Variants in CPA6 observed in about 807,000 individuals in gnomAD.
CPA6 encodes the protein carboxypeptidase B.
In CPA6, 58 loss-of-function variants were observed where a neutral mutation model predicts 63.3. That is an observed-to-expected ratio of 0.92 (90% CI 0.74 to 1.14). The LOEUF is 1.14. Among genes scored for constraint, CPA6 ranks in the 50% most tolerant of loss-of-function variants. CPA6 has a pLI of 0.00. For missense variants in CPA6, 565 were observed against 526.6 expected (o/e 1.07, Z -0.71); for synonymous variants, 185 against 179.0 (o/e 1.03, Z -0.27).
chr8:67,683,339 A>G (rs930224083), intron 1 of CPA6, among the ~76,000 whole-genome samples: 2 of 152,198 alleles, frequency 1.3e-5, no homozygotes, highest in Non-Finnish European at 2.9e-5. Context: ...AATTTGCCTC[A>G]TCATATCACT....
At chr8:67,651,068 A>T (rs1305123513) in intron 1 of CPA6, among the ~76,000 whole-genome samples, 1 of 152,174 alleles carries the variant, frequency 6.6e-6, no homozygotes, top group South Asian at 2.1e-4. Flanking sequence ...GTTGTAAGCT[A>T]TGTTCAAAGG....
chr8:67,630,908 C>A (rs1815311713), intron 1 of CPA6, among the ~76,000 whole-genome samples: 1 of 152,258 alleles, frequency 6.6e-6, no homozygotes, highest in African/African-American at 2.4e-5. Flanking sequence ...TCCAGCAGTG[C>A]CGGCCCACTG....
chr8:67,697,438 T>A (rs1027979250), intron 1 of CPA6, among the ~76,000 whole-genome samples: 3 of 152,222 alleles, frequency 2.0e-5, no homozygotes, highest in African/African-American at 4.8e-5. Flanking sequence ...CCATCTGACT[T>A]CTTTAAGCTT....
Position 67,518,002 on chromosome 8 carries a change from T to G in CPA6, c.238A>C (p.Thr80Pro). 1 of 1,612,940 alleles carries G rather than the reference T, an allele frequency of 6.2e-7. No homozygotes were observed. The highest frequency in any genetic ancestry group is 8.5e-7 in the Non-Finnish European group (1 of 1,179,554). ...TGGGGGATATGGACATCAGTAACTG[T>G]TCCCTCTGATACATAGGAGATACTG... The part of the protein sequence containing the change: ...PSSISYVSEG[T>P]VTDVHIPQNG... Residue 80 changes from threonine (T) to proline (P), a missense_variant, in exon 3 of 11, where the codon ACA becomes CCA. Physicochemically the swap from Thr to Pro is conservative, Grantham distance 38 (BLOSUM62 -1). Coordinates refer to ENST00000297770, the MANE Select transcript of CPA6 (RefSeq NM_020361.5).
At position 67,728,864 on chromosome 8, in the gene CPA6, C is replaced by T. The variant is rs571041867; in HGVS notation, c.116+17150G>A. On this transcript the variant is annotated intron_variant, in intron 1 of 10. Transcript: ENST00000297770. ...TGAGGATGGAGCTGGTGGTCCGAAC[C>T]TTTATTTTGCATGGATTCTCTAACC... Among the ~76,000 whole-genome samples the T allele has an allele frequency of 7.7e-4, 117 of 152,284 alleles. 3 individuals carry two copies. The highest frequency in any genetic ancestry group is 9.8e-4 in the Admixed American group (15 of 15,296).
At chr8:67,659,333 C>T (rs1333901724) in intron 1 of CPA6, among the ~76,000 whole-genome samples, 2 of 152,214 alleles carry the variant, frequency 1.3e-5, no homozygotes, top group African/African-American at 4.8e-5. Context: ...ATGCATACTA[C>T]AGAAATTGCT....
chr8:67,739,181 C>G (rs115039120), intron 1 of CPA6, among the ~76,000 whole-genome samples: 4,778 of 152,228 alleles, frequency 0.031, 222 homozygotes, highest in African/African-American at 0.1. Flanking sequence ...GTGCTGACCC[C>G]CATACAGTCT....
At chr8:67,624,307 C>T in intron 1 of CPA6, 56 bp from the exon 2 acceptor site, 1 of 964,534 alleles carries the variant, frequency 1.0e-6, no homozygotes, top group African/African-American at 1.7e-5. Flanking sequence ...AGATATTAGT[C>T]ATCTCTTTCT....
intron 1 of CPA6, among the ~76,000 whole-genome samples, chr8:67,714,882 T>C (rs1360216590): frequency 6.6e-6 from 1 of 152,158 alleles, no homozygotes; most frequent in East Asian, 1.9e-4. Flanking sequence ...GAGCTTATAG[T>C]GTCATTTGAG....
At chr8:67,500,270 A>G (rs1388473803) in intron 6 of CPA6, among the ~76,000 whole-genome samples, 3 of 152,150 alleles carry the variant, frequency 2.0e-5, no homozygotes, top group Non-Finnish European at 4.4e-5. Context: ...GTGATAGCTC[A>G]CTGTGGCTTT....
In CPA6 at chr8:67,641,025, A is replaced by G. The variant is rs147833196; in HGVS notation, c.117-16774T>C. 7.1e-3 allele frequency among the ~76,000 whole-genome samples: 1,073 copies of G among 151,784 alleles called. 68 individuals are homozygous for G. The highest frequency in any genetic ancestry group is 0.024 in the African/African-American group (982 of 41,048). On this transcript the variant is annotated intron_variant, in intron 1 of 10. Coordinates refer to ENST00000297770, the MANE Select transcript of CPA6 (RefSeq NM_020361.5). ...TGCGGGTCATGCAGTTGGCTGCCTC[A>G]GGGACATGGGGTACAGGGGACCCAC...
At position 67,585,736 on chromosome 8, in the gene CPA6, T is replaced by TTAGC. The variant is rs1813914894; in HGVS notation, c.192+38436_192+38439dup. On this transcript the variant is annotated intron_variant, in intron 2 of 10. Transcript: ENST00000297770. ...GATACGTAAGTGTCCTTCGTTGTGA[T>TTAGC]TAGCATACACAGGGAGTAAAGGGCT... 1.2e-4 allele frequency among the ~76,000 whole-genome samples: 19 copies of TTAGC among 152,304 alleles called. No individual in the cohort carries two copies. The South Asian group carries it at 3.9e-3, about 32-fold the overall frequency.
At chr8:67,684,296 T>A (rs2128996402) in intron 1 of CPA6, among the ~76,000 whole-genome samples, 1 of 152,208 alleles carries the variant, frequency 6.6e-6, no homozygotes, top group Middle Eastern at 3.4e-3. Context: ...AGCCACAGAT[T>A]ATTGTCTGTC....
At chr8:67,491,927 C>T (rs1214094645) in intron 6 of CPA6, among the ~76,000 whole-genome samples, 2 of 152,276 alleles carry the variant, frequency 1.3e-5, no homozygotes, top group East Asian at 1.9e-4. Flanking sequence ...TTGGTTACTA[C>T]TGTGCATCTC....
chr8:67,511,138 G>C (rs147653074), intron 4 of CPA6, among the ~76,000 whole-genome samples: 7 of 152,108 alleles, frequency 4.6e-5, no homozygotes, highest in Non-Finnish European at 1.0e-4. Context: ...CCTTTGAGAG[G>C]TCTCAACTTT....
chr8:67,543,739 T>C (rs1281457357), intron 2 of CPA6, among the ~76,000 whole-genome samples: 1 of 151,880 alleles, frequency 6.6e-6, no homozygotes, highest in Non-Finnish European at 1.5e-5. Context: ...TTTTCATTTA[T>C]ACTCATCAAA....
intron 2 of CPA6, among the ~76,000 whole-genome samples, chr8:67,578,427 T>A (rs1813680979): frequency 1.3e-5 from 2 of 152,186 alleles, no homozygotes; most frequent in South Asian, 4.1e-4. Flanking sequence ...CTGTTGGTGA[T>A]TTGGCTTGTC....
At chr8:67,720,458 C>G (rs1817474202) in intron 1 of CPA6, among the ~76,000 whole-genome samples, 1 of 152,142 alleles carries the variant, frequency 6.6e-6, no homozygotes, top group African/African-American at 2.4e-5. Flanking sequence ...CATCAGAACA[C>G]AGGCCATAGC....
At chr8:67,484,823 T>C (rs1811442343) in intron 6 of CPA6, 34 bp from the exon 7 acceptor site, 2 of 1,251,724 alleles carry the variant, frequency 1.6e-6, no homozygotes, top group Non-Finnish European at 1.2e-6. Context: ...TCTTTTAAAT[T>C]GGTCCCCAAA....
Sources: allele counts gnomAD v4.1 joint callset (sites outside exome capture counted in the v4.1 genomes callset), GRCh38; gene constraint gnomAD v4.1.1; transcripts MANE v1.5; gene names NCBI Gene and HGNC (gene_info 2026-07-23, HGNC 2026-07-21).